Variants in CHCHD3 observed in about 807,000 individuals in gnomAD.
CHCHD3 encodes coiled-coil-helix-coiled-coil-helix domain containing 3, also known as MICOS complex subunit MIC19.
A neutral mutation model predicts 38.2 loss-of-function variants in CHCHD3; 20 were observed. The observed-to-expected ratio is 0.52, with a 90% CI of 0.37 to 0.76. The LOEUF is 0.76. CHCHD3 is among the 30% of genes least tolerant of loss of function. The pLI is 0.00. For synonymous variants in CHCHD3, 82 were observed against 100.0 expected, an observed-to-expected ratio of 0.82 and a Z score of 1.07; for missense variants, 245 against 279.2, an observed-to-expected ratio of 0.88 and a Z score of 0.87.
At chr7:133,025,887 T>C (rs1813323253) in intron 2 of CHCHD3, among the ~76,000 whole-genome samples, 1 of 152,258 alleles carries the variant, frequency 6.6e-6, no homozygotes, top group Non-Finnish European at 1.5e-5. Context: ...CTCGACATTA[T>C]AAATGCTTAG....
intron 4 of CHCHD3, among the ~76,000 whole-genome samples, chr7:132,930,929 C>T (rs1810498063): frequency 1.3e-5 from 2 of 152,202 alleles, no homozygotes; most frequent in South Asian, 4.1e-4. Flanking sequence ...TCTCCAGGGC[C>T]TGAATTACTC....
At chr7:133,040,878 T>TA (rs1813815316) in intron 2 of CHCHD3, among the ~76,000 whole-genome samples, 1 of 152,178 alleles carries the variant, frequency 6.6e-6, no homozygotes, top group Non-Finnish European at 1.5e-5. Context: ...AAAGAGTCAT[T>TA]AAAATGCTTT....
chr7:132,968,591 A>T (rs946373085), intron 4 of CHCHD3, among the ~76,000 whole-genome samples: 1 of 152,236 alleles, frequency 6.6e-6, no homozygotes, highest in African/African-American at 2.4e-5. Context: ...AACCAGAGAG[A>T]GTTTTAACAG....
chr7:132,962,554 CA>C (rs1811348287), intron 4 of CHCHD3, among the ~76,000 whole-genome samples: 1 of 152,062 alleles, frequency 6.6e-6, no homozygotes, highest in Admixed American at 6.6e-5. Flanking sequence ...CAAAAATTGT[CA>C]AAAAATAGGA....
At chr7:133,011,447 T>C (rs1330853713) in intron 3 of CHCHD3, among the ~76,000 whole-genome samples, 4 of 152,210 alleles carry the variant, frequency 2.6e-5, no homozygotes, top group Non-Finnish European at 5.9e-5. Flanking sequence ...GCCTCGGAGC[T>C]ATATCAACAT....
At chr7:132,869,741 G>A (rs954055709) in intron 5 of CHCHD3, among the ~76,000 whole-genome samples, 2 of 151,674 alleles carry the variant, frequency 1.3e-5, no homozygotes, top group Non-Finnish European at 2.9e-5. Flanking sequence ...ACACCACCAT[G>A]CTTGGCAATT....
At chr7:132,865,574 G>A (rs533672636) in intron 5 of CHCHD3, among the ~76,000 whole-genome samples, 10 of 152,244 alleles carry the variant, frequency 6.6e-5, no homozygotes, top group Non-Finnish European at 1.2e-4. Flanking sequence ...TTTTGAGATC[G>A]TCATTACAGC....
chr7:133,076,637 C>G (rs1007882250), intron 1 of CHCHD3, among the ~76,000 whole-genome samples: 1 of 152,326 alleles, frequency 6.6e-6, no homozygotes, highest in Admixed American at 6.5e-5. Flanking sequence ...CTCATCTCTT[C>G]CTACCCACCT....
chr7:132,974,858 A>G (rs987492123), intron 4 of CHCHD3, among the ~76,000 whole-genome samples: 25 of 151,834 alleles, frequency 1.6e-4, no homozygotes, highest in African/African-American at 5.1e-4. Flanking sequence ...TAGGCGACAG[A>G]GCAAGACTCC....
intron 2 of CHCHD3, among the ~76,000 whole-genome samples, chr7:133,028,340 T>G (rs1452364618): frequency 1.3e-5 from 2 of 152,172 alleles, no homozygotes; most frequent in Non-Finnish European, 2.9e-5. Context: ...TATGATGCAC[T>G]GGGATCAGTG....
chr7:132,940,233 A>G (rs1810731433), intron 4 of CHCHD3, among the ~76,000 whole-genome samples: 1 of 152,220 alleles, frequency 6.6e-6, no homozygotes, highest in Non-Finnish European at 1.5e-5. Flanking sequence ...AATTTCAGCT[A>G]CTTAATTACA....
chr7:132,976,243 G>C (rs577486081), intron 3 of CHCHD3, among the ~76,000 whole-genome samples: 1 of 151,966 alleles, frequency 6.6e-6, no homozygotes, highest in Non-Finnish European at 1.5e-5. Context: ...GACTCCAATC[G>C]ATCTGTTAGC....
At chr7:132,856,873 A>G (rs1468138672) in intron 5 of CHCHD3, among the ~76,000 whole-genome samples, 1 of 152,196 alleles carries the variant, frequency 6.6e-6, no homozygotes, top group Non-Finnish European at 1.5e-5. Context: ...ATTCTGCTGC[A>G]TTTCCTGGGG....
intron 6 of CHCHD3, among the ~76,000 whole-genome samples, chr7:132,835,986 G>A (rs563413381): frequency 3.9e-5 from 6 of 152,266 alleles, no homozygotes; most frequent in Admixed American, 2.0e-4. Flanking sequence ...CAGCCCTGGC[G>A]TCACCTTGAC....
intron 2 of CHCHD3, among the ~76,000 whole-genome samples, chr7:133,062,682 C>T (rs759655712): frequency 3.3e-5 from 5 of 152,102 alleles, no homozygotes; most frequent in Admixed American, 2.6e-4. Context: ...TCATAACTCC[C>T]GAGTTAACTT....
At chr7:132,812,001 G>A (rs1344872693) in intron 6 of CHCHD3, among the ~76,000 whole-genome samples, 2 of 151,974 alleles carry the variant, frequency 1.3e-5, no homozygotes, top group Admixed American at 6.6e-5. Context: ...GGTACCACAT[G>A]TTTAAAACTG....
Position 133,035,767 on chromosome 7 carries a change from T to A in CHCHD3, c.170-11140A>T. On this transcript the variant is annotated intron_variant, in intron 2 of 7. Transcript: ENST00000262570. This position sits in a 1 kb window ranked among gnomAD's most constrained non-coding sequence, Gnocchi z 4.7. ...GCTGGGACCTTGCCGGCAGGAAATT[T>A]GCGAAGAAATTCAGAGGTGCGGTTG... 1 of 1,613,276 alleles carries A rather than the reference T, an allele frequency of 6.2e-7. No homozygotes were observed. The highest frequency in any genetic ancestry group is 8.5e-7 in the Non-Finnish European group (1 of 1,179,330).
chr7:132,949,660 T>C (rs1426806672), intron 4 of CHCHD3, among the ~76,000 whole-genome samples: 1 of 152,130 alleles, frequency 6.6e-6, no homozygotes. Context: ...TCATATAGTG[T>C]CAGTATTTCA....
At chr7:132,856,210 A>T (rs972804267) in intron 5 of CHCHD3, among the ~76,000 whole-genome samples, 5 of 152,014 alleles carry the variant, frequency 3.3e-5, no homozygotes, top group African/African-American at 1.2e-4. Context: ...AAGTCCTTCC[A>T]AACAAGACCT....
Sources: gnomAD v4.1 joint callset for allele counts (sites outside exome capture counted in the v4.1 genomes callset) on GRCh38, gnomAD v4.1.1 for gene constraint, Gnocchi (gnomAD v3.1) non-coding constraint, MANE v1.5 for transcripts, NCBI Gene and HGNC (gene_info 2026-07-23, HGNC 2026-07-21) for gene names.